RARRES1: variants seen among roughly 807,000 people sequenced by gnomAD.
RARRES1 encodes retinoic acid receptor responder protein 1.
RARRES1 carries 34 observed loss-of-function variants against 30.6 expected under a neutral mutation model. That is an observed-to-expected ratio of 1.11 (90% confidence interval 0.84 to 1.48). The LOEUF is 1.48. RARRES1 is among the 40% of genes most tolerant of loss of function. The pLI, the probability that RARRES1 is intolerant of heterozygous loss-of-function variation, is 0.00. For missense variants in RARRES1, 373 were observed against 386.5 expected (o/e 0.97, Z 0.29); for synonymous variants, 153 against 155.5 (o/e 0.98, Z 0.12).
At chr3:158,724,364 A>C (rs899586176) in intron 1 of RARRES1, among the ~76,000 whole-genome samples, 1 of 152,188 alleles carries the variant, frequency 6.6e-6, no homozygotes, top group Non-Finnish European at 1.5e-5. Context: ...GGATTTTGCC[A>C]ATGTGATTAA....
At chr3:158,725,530 G>A (rs1326081576) in intron 1 of RARRES1, among the ~76,000 whole-genome samples, 1 of 152,114 alleles carries the variant, frequency 6.6e-6, no homozygotes, top group South Asian at 2.1e-4. Context: ...CACCACTGCC[G>A]GTCTTGATGT....
At chr3:158,724,593 TA>T (rs1229192689) in intron 1 of RARRES1, among the ~76,000 whole-genome samples, 1 of 152,122 alleles carries the variant, frequency 6.6e-6, no homozygotes, top group East Asian at 1.9e-4. Context: ...GCAGACACCT[TA>T]ATTTTGGCCC....
chr3:158,703,939 G>A (rs532609313), intron 4 of RARRES1, among the ~76,000 whole-genome samples: 1 of 152,120 alleles, frequency 6.6e-6, no homozygotes, highest in African/African-American at 2.4e-5. Context: ...TTCTCTGTTT[G>A]GTTATAGAAT....
chr3:158,725,633 A>G lies in RARRES1; in HGVS notation c.276+6507T>C, dbSNP rs1727661303. Among the ~76,000 whole-genome samples, 3 of 152,350 alleles carry G rather than the reference A, an allele frequency of 2.0e-5. No individual in the cohort carries two copies. The South Asian group carries it at 6.2e-4, about 32-fold the overall frequency. ...GGAAAATGTCGTGGGCTGGTAAAAA[A>G]AAAATTGTGGTTTAAAAACAATTTA... On this transcript the variant is annotated intron_variant, in intron 1 of 5. Transcript: ENST00000237696.
intron 2 of RARRES1, among the ~76,000 whole-genome samples, chr3:158,711,720 G>C (rs1042410072): frequency 6.7e-6 from 1 of 149,608 alleles, no homozygotes; most frequent in Non-Finnish European, 1.5e-5. Flanking sequence ...CTCAGCCTCT[G>C]AGTAGCTGGG....
chr3:158,726,400 C>T (rs1005720734), intron 1 of RARRES1, among the ~76,000 whole-genome samples: 3 of 152,334 alleles, frequency 2.0e-5, no homozygotes, highest in Admixed American at 6.5e-5. Flanking sequence ...GACAGGGCTC[C>T]ATGCTTGCTG....
intron 4 of RARRES1, chr3:158,698,213 G>C: frequency 2.2e-6 from 1 of 462,850 alleles, no homozygotes; most frequent in Non-Finnish European, 3.9e-6. Context: ...GGAGACCAAA[G>C]TCTGTGGGAA....
chr3:158,724,653 G>A (rs554470543), intron 1 of RARRES1, among the ~76,000 whole-genome samples: 1 of 152,246 alleles, frequency 6.6e-6, no homozygotes, highest in East Asian at 1.9e-4. Flanking sequence ...AAGTGAGTAA[G>A]TTTGTGTTGT....
Position 158,723,721 on chromosome 3 carries a change from C to G in RARRES1, c.276+8419G>C, listed in dbSNP as rs373044165. On this transcript the variant is annotated intron_variant, in intron 1 of 5. Transcript: ENST00000237696. The surrounding 1 kb of genome is among the most constrained non-coding windows in gnomAD (Gnocchi z 4.4). ...TGGAAGTGGCCAGAGGCAGCTGCCCCCTCCAGGTCCCCTCTGGCCTCAGGT... is the reference window on the plus strand; with the variant it reads ...TGGAAGTGGCCAGAGGCAGCTGCCCGCTCCAGGTCCCCTCTGGCCTCAGGT... Among the ~76,000 whole-genome samples, 4 of 152,254 alleles carry G rather than the reference C, an allele frequency of 2.6e-5. No homozygotes were observed. The South Asian group carries it at 8.3e-4, about 32-fold the overall frequency.
Position 158,710,812 on chromosome 3 carries a change from C to A in RARRES1, c.461G>T (p.Arg154Ile), listed in dbSNP as rs1559870741. 2 of 1,613,560 alleles carry A rather than the reference C, an allele frequency of 1.2e-6. No individual in the cohort carries two copies. Residue 154 changes from arginine to isoleucine, a missense_variant, in exon 3 of 6, where the codon AGA (arginine) becomes ATA (isoleucine). Transcript: ENST00000237696. ...TCTRLIEKKK[R>I]QQEDYLLYKQ... ...GTAAAGCAGGTAATCCTCTTGTTGT[C>A]TTTTCTTTTTCTCGATGAGCCGTGT...
At chr3:158,707,177 A>G (rs955700540) in intron 3 of RARRES1, among the ~76,000 whole-genome samples, 1 of 151,996 alleles carries the variant, frequency 6.6e-6, no homozygotes, top group Non-Finnish European at 1.5e-5. Context: ...ACAAACAAAC[A>G]AACAAAAAAA....
intron 4 of RARRES1, among the ~76,000 whole-genome samples, chr3:158,699,170 G>A (rs532973547): frequency 5.9e-5 from 9 of 152,242 alleles, no homozygotes; most frequent in Admixed American, 3.9e-4. Flanking sequence ...CACATAGACC[G>A]TGCACCTGCT....
At chr3:158,705,801 G>C (rs1273560072) in intron 3 of RARRES1, 1 of 152,190 alleles carries the variant, frequency 6.6e-6, no homozygotes, top group African/African-American at 2.4e-5. Flanking sequence ...AACACGTGAA[G>C]AAATCAGGTA....
chr3:158,720,233 G>GGTTGTGTGTGT (rs1727462152), intron 1 of RARRES1, among the ~76,000 whole-genome samples: 2 of 139,266 alleles, frequency 1.4e-5, no homozygotes, highest in Non-Finnish European at 3.1e-5. Context: ...GCTGGCTGCT[G>GGTTGTGTGTGT]GTGTGTGTGT....
chr3:158,711,848 C>T (rs1390844190), intron 2 of RARRES1, among the ~76,000 whole-genome samples: 1 of 152,132 alleles, frequency 6.6e-6, no homozygotes. Flanking sequence ...CCTGCCTTGG[C>T]TTCCCAAAGT....
chr3:158,699,306 TAA>T (rs1303823914), intron 4 of RARRES1, among the ~76,000 whole-genome samples: 1 of 152,158 alleles, frequency 6.6e-6, no homozygotes, highest in African/African-American at 2.4e-5. Flanking sequence ...AGCTTTGGAA[TAA>T]AGTCACTTTC....
intron 1 of RARRES1, among the ~76,000 whole-genome samples, chr3:158,728,516 C>CTTTTTTTT (rs755791546): frequency 9.7e-5 from 13 of 133,916 alleles, no homozygotes; most frequent in East Asian, 2.2e-4. Context: ...CTTTTTCTTT[C>CTTTTTTTT]TTTTTTTTTT....
At chr3:158,728,495 A>G (rs1727762015) in intron 1 of RARRES1, among the ~76,000 whole-genome samples, 2 of 143,008 alleles carry the variant, frequency 1.4e-5, no homozygotes, top group South Asian at 4.7e-4. Flanking sequence ...TGGAGGGATC[A>G]ATCGTGGTTT....
intron 2 of RARRES1, among the ~76,000 whole-genome samples, chr3:158,713,359 T>G (rs1727208170): frequency 6.6e-6 from 1 of 152,158 alleles, no homozygotes. Flanking sequence ...TGCTCGTGTT[T>G]TACAGAGTGC....
Sources: allele counts gnomAD v4.1 joint callset (sites outside exome capture counted in the v4.1 genomes callset), GRCh38; gene constraint gnomAD v4.1.1; non-coding constraint Gnocchi (gnomAD v3.1); transcripts MANE v1.5; gene names NCBI Gene and HGNC (gene_info 2026-07-23, HGNC 2026-07-21).